The following REEP3 variants were observed in gnomAD, a reference collection of about 807,000 sequenced individuals.
The protein encoded by REEP3 is receptor expression-enhancing protein 3.
Under a neutral mutation model 41.3 loss-of-function variants are expected in REEP3, and 20 were observed. That is an observed-to-expected ratio of 0.48 (90% CI 0.34 to 0.70). REEP3 has a LOEUF of 0.70. REEP3 is among the 30% of genes least tolerant of loss of function. The probability of loss-of-function intolerance (pLI) is 0.01; values close to 1 mark genes in which losing one functional copy is unlikely to be tolerated. For missense variants in REEP3, 271 were observed against 308.8 expected (o/e 0.88, Z 0.92); for synonymous variants, 104 against 101.8 (o/e 1.02, Z -0.13).
chr10:63,542,339 G>C (rs1411841309), intron 1 of REEP3, among the ~76,000 whole-genome samples: 1 of 152,136 alleles, frequency 6.6e-6, no homozygotes, highest in Non-Finnish European at 1.5e-5. Flanking sequence ...GTCTCCCAAA[G>C]TGCTGGGATT....
intron 1 of REEP3, among the ~76,000 whole-genome samples, chr10:63,541,420 G>A (rs1026943237): frequency 3.3e-5 from 5 of 152,026 alleles, no homozygotes; most frequent in African/African-American, 1.2e-4. Flanking sequence ...TGCTTACTAG[G>A]TACAATTCAT....
intron 1 of REEP3, among the ~76,000 whole-genome samples, chr10:63,537,233 G>GT (rs891708084): frequency 5.9e-5 from 9 of 151,922 alleles, no homozygotes; most frequent in East Asian, 5.8e-4. Flanking sequence ...TTTGTGTTTT[G>GT]TTTTTTTTAA....
At chr10:63,613,400 T>G (rs2133431413) in intron 6 of REEP3, among the ~76,000 whole-genome samples, 1 of 152,328 alleles carries the variant, frequency 6.6e-6, no homozygotes, top group African/African-American at 2.4e-5. Context: ...ATTAAATAAG[T>G]TTTATAAAAA....
At chr10:63,577,998 A>G (rs1408143765) in intron 2 of REEP3, among the ~76,000 whole-genome samples, 1 of 152,132 alleles carries the variant, frequency 6.6e-6, no homozygotes, top group Non-Finnish European at 1.5e-5. Context: ...CTGAATATGT[A>G]TATTCAGTTT....
rs1384053915 is a variant in REEP3 at position 63,610,171 on chromosome 10, C to T, written c.418-16C>T. 1 of 1,601,762 alleles carries T rather than the reference C, an allele frequency of 6.2e-7. No individual in the cohort carries two copies. On this transcript the variant is annotated splice_polypyrimidine_tract_variant and intron_variant, in intron 5 of 7. Coordinates refer to ENST00000373758, the MANE Select transcript of REEP3 (RefSeq NM_001001330.3). ...TAAATATTTTTTCTTGGACCTATCA[C>T]TTCTCTGTTAAATAGAGCCAAGGAG...
At chr10:63,537,836 C>A (rs1955489087) in intron 1 of REEP3, among the ~76,000 whole-genome samples, 1 of 152,110 alleles carries the variant, frequency 6.6e-6, no homozygotes, top group East Asian at 1.9e-4. Flanking sequence ...TGTCTCTTGT[C>A]CTTTCTTTTT....
chr10:63,599,326 C>A, intron 5 of REEP3, 43 bp downstream of exon 5: 1 of 876,248 alleles, frequency 1.1e-6, no homozygotes, highest in Non-Finnish European at 1.7e-6. Context: ...CATATTAAGT[C>A]AACAAATAAA....
rs551326394 is a variant in REEP3 at position 63,524,228 on chromosome 10, C to G, written c.32+2651C>G. ...ACAGGATCTACACAAACTTGGAAAC[C>G]TTTTTCACACCAGGAGGTAGAATTT... On this transcript the variant is annotated intron_variant, in intron 1 of 7. Transcript: ENST00000373758. 6.6e-5 allele frequency among the ~76,000 whole-genome samples: 10 copies of G among 152,064 alleles called. No homozygotes were observed. The East Asian group carries it at 1.9e-3, about 29-fold the overall frequency.
chr10:63,546,870 A>T (rs1279986848), intron 1 of REEP3, among the ~76,000 whole-genome samples: 1 of 152,236 alleles, frequency 6.6e-6, no homozygotes. Flanking sequence ...GTTGGATCAC[A>T]GATAAAAATA....
intron 1 of REEP3, among the ~76,000 whole-genome samples, chr10:63,548,241 A>G (rs1419652571): frequency 6.6e-6 from 1 of 152,232 alleles, no homozygotes; most frequent in Non-Finnish European, 1.5e-5. Context: ...GGGTGGCAAC[A>G]TTATGTAATG....
rs1564480400 is a variant in REEP3 at position 63,566,391 on chromosome 10, C to A, written c.86C>A (p.Thr29Lys). 6.5e-7 allele frequency: 1 copy of A among 1,540,490 alleles called. No homozygotes were observed. Among genetic ancestry groups the A allele is most frequent in the Non-Finnish European group, 8.8e-7 (1 of 1,135,512 alleles). ...TATTATTCATACAAAGCTGTGAAAA[C>A]AAAAAACGTGAAGGAATATGTAAGT... is the stretch of plus-strand genomic sequence containing the variant. ...PAYYSYKAVK[T>K]KNVKEYVRWM... The change falls in exon 2 of 8, where the codon ACA becomes AAA. Residue 29 changes from threonine to lysine, a missense_variant. Coordinates refer to ENST00000373758, the MANE Select transcript of REEP3 (RefSeq NM_001001330.3).
At chr10:63,597,888 CAA>C in intron 3 of REEP3, 134 bp from the exon 4 acceptor site, 1 of 644,938 alleles carries the variant, frequency 1.6e-6, no homozygotes, top group Non-Finnish European at 2.4e-6. Flanking sequence ...ACTCAGATGA[CAA>C]GAGCAAAACT....
intron 3 of REEP3, among the ~76,000 whole-genome samples, chr10:63,597,290 G>C (rs1956124215): frequency 6.6e-6 from 1 of 152,196 alleles, no homozygotes; most frequent in African/African-American, 2.4e-5. Context: ...ATGAAGACGT[G>C]TGTGTATGGG....
rs1262932388 is a variant in REEP3 at position 63,623,034 on chromosome 10, A to G, written c.*2165A>G. The G allele has an allele frequency of 6.6e-6, 1 of 152,214 alleles. No homozygotes were observed. Among genetic ancestry groups the G allele is most frequent in the Non-Finnish European group, 1.5e-5 (1 of 68,034 alleles). 9.4% of individuals were successfully genotyped at this position (152,214 alleles called of 1,614,324 possible). Reference sequence around the variant, plus strand: ...TTTTATCTCTCTAAAGTCTGGTCCCAGTATTAAACCTATTCTTTAGTAAAC... The same window carrying G: ...TTTTATCTCTCTAAAGTCTGGTCCCGGTATTAAACCTATTCTTTAGTAAAC... On this transcript the variant is annotated 3_prime_UTR_variant, in exon 8 of 8. Coordinates refer to ENST00000373758, the MANE Select transcript of REEP3 (RefSeq NM_001001330.3).
At chr10:63,588,754 A>G (rs1956030794) in intron 2 of REEP3, among the ~76,000 whole-genome samples, 1 of 152,256 alleles carries the variant, frequency 6.6e-6, no homozygotes. Flanking sequence ...CATGCTAAAG[A>G]GAAAAATAAA....
At chr10:63,619,867 G>T in intron 7 of REEP3, 67 bp downstream of exon 7, 3 of 1,206,976 alleles carry the variant, frequency 2.5e-6, no homozygotes, top group Non-Finnish European at 2.3e-6. Flanking sequence ...TTATCATTTA[G>T]GATATTAATG....
intron 1 of REEP3, among the ~76,000 whole-genome samples, chr10:63,544,826 A>T (rs932148517): frequency 2.0e-5 from 3 of 152,176 alleles, no homozygotes; most frequent in Non-Finnish European, 4.4e-5. Flanking sequence ...CTGCTATTGG[A>T]AAAAAATACC....
At chr10:63,548,595 C>G (rs964207694) in intron 1 of REEP3, among the ~76,000 whole-genome samples, 5 of 152,044 alleles carry the variant, frequency 3.3e-5, no homozygotes, top group Non-Finnish European at 7.4e-5. Flanking sequence ...TAATGAGAAA[C>G]TGATTTTCTT....
chr10:63,600,344 T>C (rs1410283635), intron 5 of REEP3, among the ~76,000 whole-genome samples: 1 of 152,138 alleles, frequency 6.6e-6, no homozygotes, highest in East Asian at 1.9e-4. Flanking sequence ...TAGCATTACA[T>C]TGAGGGTTAA....
Sources: gnomAD v4.1 joint callset for allele counts (sites outside exome capture counted in the v4.1 genomes callset) on GRCh38, gnomAD v4.1.1 for gene constraint, MANE v1.5 for transcripts, NCBI Gene and HGNC (gene_info 2026-07-23, HGNC 2026-07-21) for gene names.